The following ALK variants were observed in gnomAD, a reference collection of about 807,000 sequenced individuals.
The protein encoded by ALK is ALK tyrosine kinase receptor.
In ALK, 74 loss-of-function variants were observed where a neutral mutation model predicts 163.1. That is an observed-to-expected ratio of 0.45 (90% CI 0.38 to 0.55). The LOEUF is 0.55. Ranked by LOEUF, ALK falls within the 20% of genes least tolerant of loss-of-function variation. The pLI, the probability that ALK is intolerant of heterozygous loss-of-function variation, is 0.00. For missense variants in ALK, 2,063 were observed against 2,105.3 expected (o/e 0.98, Z 0.39); for synonymous variants, 960 against 843.2 (o/e 1.14, Z -2.40).
chr2:29,244,245 C>G (rs1664595586), intron 12 of ALK, among the ~76,000 whole-genome samples: 1 of 152,250 alleles, frequency 6.6e-6, no homozygotes, highest in Non-Finnish European at 1.5e-5. Context: ...CCGTGGGATC[C>G]TGGGCAAGGC....
chr2:29,234,673 T>C (rs1312862332), intron 13 of ALK, among the ~76,000 whole-genome samples: 3 of 152,136 alleles, frequency 2.0e-5, no homozygotes, highest in Admixed American at 6.5e-5. Context: ...ACACAGGTCG[T>C]TGTGGCATTT....
At chr2:29,661,886 C>A (rs1161988059) in intron 3 of ALK, among the ~76,000 whole-genome samples, 1 of 152,024 alleles carries the variant, frequency 6.6e-6, no homozygotes, top group Non-Finnish European at 1.5e-5. Context: ...CATACTGTGT[C>A]TTTTATGAAT....
chr2:29,676,598 T>G (rs1677880652), intron 3 of ALK, among the ~76,000 whole-genome samples: 1 of 151,988 alleles, frequency 6.6e-6, no homozygotes, highest in Admixed American at 6.6e-5. Context: ...TAGTAGAAGT[T>G]CTCCAAATTT....
rs76567147 is a variant in ALK, at chr2:29,838,834, G to C, written c.667+81159C>G. The stretch of plus-strand genomic sequence containing the variant: ...AAATATTATATATCTCAATAGGGAA[G>C]AGGGTTATGCAGGTGCATGCAGTTG... On this transcript the variant is annotated intron_variant, in intron 1 of 28. Transcript: ENST00000389048. 1.9e-3 allele frequency among the ~76,000 whole-genome samples: 294 copies of C among 152,276 alleles called. 4 individuals carry two copies. The highest frequency in any genetic ancestry group is 6.9e-3 in the African/African-American group (285 of 41,572).
rs1304641292 is a variant in ALK at position 29,920,529 on chromosome 2, A to C, written c.131T>G (p.Leu44Arg). The C allele has an allele frequency of 1.1e-5, 18 of 1,610,900 alleles. No individual in the cohort carries two copies. The highest frequency in any genetic ancestry group is 1.4e-5 in the Non-Finnish European group (16 of 1,179,256). The change falls in exon 1 of 29, where the codon CTC (leucine) becomes CGC (arginine). Residue 44 changes from leucine (L) to arginine (R), a missense_variant. Physicochemically the swap from Leu to Arg is moderately radical, Grantham distance 102. Transcript: ENST00000389048. ...CTTCCTCTGCAGGCGCGAGTAGCTG[A>C]GTGGCTCCCGGGGCTGCAGCGGCGG... ...AGPPLQPREP[L>R]SYSRLQRKSL... is the part of the protein sequence containing the mutation.
chr2:29,477,140 T>C (rs536960847), intron 4 of ALK, among the ~76,000 whole-genome samples: 6 of 152,072 alleles, frequency 3.9e-5, no homozygotes, highest in African/African-American at 1.4e-4. Flanking sequence ...CTGGGTAAGA[T>C]TTGGGCACGT....
chr2:29,288,972 AAAT>A lies in ALK; in HGVS notation c.1817+7913_1817+7915del, dbSNP rs1387831325. 4.4e-4 allele frequency among the ~76,000 whole-genome samples: 61 copies of A among 139,020 alleles called. 3 individuals are homozygous for A. Among genetic ancestry groups the A allele is most frequent in the East Asian group, 3.6e-3 (17 of 4,670 alleles). 91.2% of individuals were successfully genotyped at this position (139,020 alleles called of 152,430 possible). On this transcript the variant is annotated intron_variant, in intron 9 of 28. Coordinates refer to ENST00000389048, the MANE Select transcript of ALK (RefSeq NM_004304.5). ...TTCTCAAAAAAATAAATAAATAAAT[AAAT>A]AAATAAATAAATAAATAAATAAATA...
At chr2:29,595,553 C>A (rs2148210330) in intron 3 of ALK, among the ~76,000 whole-genome samples, 1 of 152,202 alleles carries the variant, frequency 6.6e-6, no homozygotes, top group South Asian at 2.1e-4. Flanking sequence ...ATTTCCTGAC[C>A]TCATGATCCG....
chr2:29,486,570 G>A (rs934321989), intron 4 of ALK, among the ~76,000 whole-genome samples: 2 of 152,126 alleles, frequency 1.3e-5, no homozygotes, highest in African/African-American at 4.8e-5. Flanking sequence ...GCCATTAACT[G>A]CAAAAGTCAG....
At chr2:29,280,270 G>T (rs1213418761) in intron 9 of ALK, among the ~76,000 whole-genome samples, 3 of 151,934 alleles carry the variant, frequency 2.0e-5, no homozygotes, top group African/African-American at 7.3e-5. Flanking sequence ...CTACCAGGTA[G>T]TCCATTCTGG....
chr2:29,799,314 T>A (rs1400722668), intron 1 of ALK, among the ~76,000 whole-genome samples: 5 of 152,178 alleles, frequency 3.3e-5, no homozygotes, highest in Admixed American at 3.3e-4. Flanking sequence ...TGGTTCAGAA[T>A]GGGGTCACAG....
chr2:29,391,171 T>C (rs1234087412), intron 4 of ALK, among the ~76,000 whole-genome samples: 2 of 152,198 alleles, frequency 1.3e-5, no homozygotes, highest in African/African-American at 2.4e-5. Flanking sequence ...GACGGGGATC[T>C]GGAAGGTAGG....
At chr2:29,329,090 G>C (rs923104459) in intron 5 of ALK, among the ~76,000 whole-genome samples, 4 of 152,166 alleles carry the variant, frequency 2.6e-5, no homozygotes, top group African/African-American at 7.2e-5. Flanking sequence ...TGTGGCCCCT[G>C]TCCCATCCTC....
intron 3 of ALK, among the ~76,000 whole-genome samples, chr2:29,663,653 T>C (rs1677419509): frequency 6.6e-6 from 1 of 152,140 alleles, no homozygotes; most frequent in African/African-American, 2.4e-5. Flanking sequence ...TAACAGACAA[T>C]GAATCAGGCA....
intron 3 of ALK, among the ~76,000 whole-genome samples, chr2:29,689,183 G>C (rs975874050): frequency 4.6e-5 from 7 of 152,158 alleles, no homozygotes; most frequent in Non-Finnish European, 2.9e-5. Context: ...CTCAGAAATG[G>C]GTGGCTAATG....
chr2:29,468,482 G>A (rs1350304201), intron 4 of ALK, among the ~76,000 whole-genome samples: 5 of 152,096 alleles, frequency 3.3e-5, no homozygotes, highest in African/African-American at 4.8e-5. Flanking sequence ...GCTTGCTAGC[G>A]ATATGAGCCC....
intron 3 of ALK, among the ~76,000 whole-genome samples, chr2:29,575,682 C>T (rs751451627): frequency 2.0e-5 from 3 of 152,166 alleles, no homozygotes; most frequent in East Asian, 1.9e-4. Flanking sequence ...GGTAATTCAG[C>T]GCCTGATTTT....
intron 4 of ALK, among the ~76,000 whole-genome samples, chr2:29,486,819 T>C (rs924419215): frequency 9.2e-5 from 14 of 152,120 alleles, no homozygotes; most frequent in Non-Finnish European, 1.5e-4. Context: ...GAGGAGGAAA[T>C]AATAGTAGCA....
chr2:29,408,798 G>A lies in ALK; in HGVS notation c.1155-24939C>T, dbSNP rs1025601060. On this transcript the variant is annotated intron_variant, in intron 4 of 28. Transcript: ENST00000389048. ...CTGAGAAGGGAGGCATTCTGGAGGC[G>A]GGCAGACCTTTCTGAGATTGCTGCC... is the stretch of plus-strand genomic sequence containing the variant. 5.3e-5 allele frequency among the ~76,000 whole-genome samples: 8 copies of A among 152,246 alleles called. No individual in the cohort carries two copies. The East Asian group carries it at 5.8e-4, about 11-fold the overall frequency.
Sources: gnomAD v4.1 joint callset for allele counts (sites outside exome capture counted in the v4.1 genomes callset) on GRCh38, gnomAD v4.1.1 for gene constraint, MANE v1.5 for transcripts, NCBI Gene and HGNC (gene_info 2026-07-23, HGNC 2026-07-21) for gene names.